DMD: variants seen among roughly 807,000 people sequenced by gnomAD.
The protein encoded by DMD is dystrophin, also known as mutant dystrophin.
A neutral mutation model predicts 330.1 loss-of-function variants in DMD; 63 were observed. The observed-to-expected ratio is 0.19, with a 90% CI of 0.16 to 0.24. DMD has a LOEUF of 0.24. DMD is among the 10% of genes least tolerant of loss of function. The pLI, the probability that DMD is intolerant of heterozygous loss-of-function variation, is 1.00. For synonymous variants in DMD, 1,223 were observed against 959.8 expected, an observed-to-expected ratio of 1.27 and a Z score of -5.07; for missense variants, 3,344 against 2,684.1, an observed-to-expected ratio of 1.25 and a Z score of -5.43.
chrX:31,573,685 C>T (rs970109569), intron 55 of DMD, among the ~76,000 whole-genome samples: 8 of 111,477 alleles, frequency 7.2e-5, no homozygotes, highest in Admixed American at 1.9e-4. Context: ...AGTAAGATTA[C>T]ATAAAACAGC....
chrX:33,179,063 G>A (rs1412797808), intron 1 of DMD, among the ~76,000 whole-genome samples: 1 of 111,634 alleles, frequency 9.0e-6, no homozygotes, highest in Non-Finnish European at 1.9e-5. Context: ...CTAATACATA[G>A]AATGTATCTC....
At chrX:32,504,204 A>C (rs1203900175) in intron 18 of DMD, among the ~76,000 whole-genome samples, 4 of 112,519 alleles carry the variant, frequency 3.6e-5, no homozygotes, top group African/African-American at 1.3e-4. Flanking sequence ...CAATTTATTT[A>C]CTTTCATGTT....
chrX:31,685,626 T>C (rs189369435), intron 52 of DMD, among the ~76,000 whole-genome samples: 7 of 112,530 alleles, frequency 6.2e-5, no homozygotes, highest in African/African-American at 2.3e-4. Flanking sequence ...GAAGATGCTG[T>C]CAGGGCCCAT....
rs1555971479 is a variant in DMD, at chrX:31,121,207, T to TAAC, written c.*709_*711dup. On this transcript the variant is annotated 3_prime_UTR_variant, in exon 79 of 79. Coordinates refer to ENST00000357033, the MANE Select transcript of DMD (RefSeq NM_004006.3). ...AGAAATTCGTATCTCTTTATCTATA[T>TAAC]AACTATAGTATTTATATACTTATAG... The TAAC allele has an allele frequency of 1.8e-5, 2 of 111,804 alleles. No homozygotes were observed. Among genetic ancestry groups the TAAC allele is most frequent in the African/African-American group, 6.5e-5 (2 of 30,728 alleles). The allele number at this position is 111,804 out of a possible 1,213,427, so 9.2% of individuals were successfully genotyped here. A position where few individuals can be genotyped will look rare whatever the true frequency, so the allele number is the denominator to read the frequency against.
At chrX:31,642,462 TGTC>T (rs1482547938) in intron 54 of DMD, among the ~76,000 whole-genome samples, 1 of 112,306 alleles carries the variant, frequency 8.9e-6, no homozygotes, top group Non-Finnish European at 1.9e-5. Context: ...GTTTAGATGT[TGTC>T]ATTTAAAAAG....
At chrX:32,827,742 C>A (rs935895573) in intron 4 of DMD, among the ~76,000 whole-genome samples, 9 of 108,121 alleles carry the variant, frequency 8.3e-5, no homozygotes, top group African/African-American at 1.7e-4. Flanking sequence ...CTCACCACAA[C>A]CTCCGCCTCC....
At position 33,030,496 on chromosome X, in the gene DMD, A is replaced by G. The variant is rs1417643595; in HGVS notation, c.32-10296T>C. Among the ~76,000 whole-genome samples, 3 of 112,312 alleles carry G rather than the reference A, an allele frequency of 2.7e-5. No homozygotes were observed. The South Asian group carries it at 1.1e-3, about 41-fold the overall frequency. On this transcript the variant is annotated intron_variant, in intron 1 of 78. Coordinates refer to ENST00000357033, the MANE Select transcript of DMD (RefSeq NM_004006.3). ...TATCTCATCTTGTTTAAACATGAGTATGTGGGTGTAGACTTGTTAGGAGTA... is the reference window on the plus strand; with the variant it reads ...TATCTCATCTTGTTTAAACATGAGTGTGTGGGTGTAGACTTGTTAGGAGTA...
intron 1 of DMD, among the ~76,000 whole-genome samples, chrX:33,188,318 A>G (rs752174899): frequency 9.1e-6 from 1 of 110,457 alleles, no homozygotes; most frequent in African/African-American, 3.3e-5. Context: ...TTCTCAATGC[A>G]TATCTTACTT....
intron 2 of DMD, among the ~76,000 whole-genome samples, chrX:32,890,331 C>A (rs1232222672): frequency 9.1e-6 from 1 of 109,942 alleles, no homozygotes; most frequent in Non-Finnish European, 1.9e-5. Context: ...AGAAAATAAA[C>A]CTTTCGTTGA....
chrX:32,609,460 T>C (rs935184051), intron 12 of DMD, among the ~76,000 whole-genome samples: 1 of 110,932 alleles, frequency 9.0e-6, no homozygotes, highest in Non-Finnish European at 1.9e-5. Context: ...TTCAGTATAG[T>C]ACAAGACATC....
intron 44 of DMD, among the ~76,000 whole-genome samples, chrX:32,076,683 A>G (rs1165709416): frequency 1.8e-5 from 2 of 111,728 alleles, no homozygotes; most frequent in Non-Finnish European, 3.8e-5. Flanking sequence ...CCGGCCCATA[A>G]GATTTCTTTA....
chrX:32,430,020 T>G (rs905330531), intron 29 of DMD, among the ~76,000 whole-genome samples: 1 of 111,551 alleles, frequency 9.0e-6, no homozygotes. Flanking sequence ...AATTTCACTT[T>G]TTTTTCACTC....
intron 74 of DMD, among the ~76,000 whole-genome samples, chrX:31,165,711 G>A (rs1294329568): frequency 2.7e-5 from 3 of 112,191 alleles, no homozygotes; most frequent in Non-Finnish European, 5.6e-5. Context: ...AAGATCCAGT[G>A]GCTCTTTGCC....
At chrX:32,053,471 A>C (rs1330863700) in intron 44 of DMD, among the ~76,000 whole-genome samples, 2 of 111,297 alleles carry the variant, frequency 1.8e-5, no homozygotes, top group Non-Finnish European at 3.8e-5. Flanking sequence ...GAAAAGGTAC[A>C]TTTCTTCACT....
intron 44 of DMD, among the ~76,000 whole-genome samples, chrX:32,111,335 A>AT (rs750236196): frequency 2.4e-4 from 27 of 112,122 alleles, no homozygotes; most frequent in Middle Eastern, 9.2e-3. Flanking sequence ...TCTTTAAACA[A>AT]TTTTTTTATA....
At chrX:33,159,032 A>G (rs751884473) in intron 1 of DMD, among the ~76,000 whole-genome samples, 2 of 112,075 alleles carry the variant, frequency 1.8e-5, no homozygotes, top group African/African-American at 6.5e-5. Flanking sequence ...TCACTTCAGT[A>G]TTCTGCATGC....
At chrX:31,341,899 A>G (rs984208308) in intron 61 of DMD, among the ~76,000 whole-genome samples, 64 of 95,051 alleles carry the variant, frequency 6.7e-4, no homozygotes, top group African/African-American at 1.8e-3. Context: ...GCGCACACAC[A>G]CACACACACA....
chrX:33,092,973 A>C (rs776583233), intron 1 of DMD, among the ~76,000 whole-genome samples: 1 of 111,141 alleles, frequency 9.0e-6, no homozygotes, highest in Non-Finnish European at 1.9e-5. Context: ...TCCTGGGTTC[A>C]AGCGATTCTC....
intron 57 of DMD, among the ~76,000 whole-genome samples, chrX:31,485,779 G>A (rs1034147058): frequency 8.9e-6 from 1 of 112,201 alleles, no homozygotes; most frequent in African/African-American, 3.2e-5. Context: ...TTTCAATCAT[G>A]TACAGCTTGC....
Sources: gnomAD v4.1 joint callset for allele counts (sites outside exome capture counted in the v4.1 genomes callset) on GRCh38, gnomAD v4.1.1 for gene constraint, MANE v1.5 for transcripts, NCBI Gene and HGNC (gene_info 2026-07-23, HGNC 2026-07-21) for gene names.